HELZ: variants seen among roughly 807,000 people sequenced by gnomAD.
HELZ encodes the protein helicase with zinc finger, also known as ATP-dependent RNA helicase with zinc finger domain.
Under a neutral mutation model 218.2 loss-of-function variants are expected in HELZ, and 23 were observed. The observed-to-expected ratio is 0.11, with a 90% CI of 0.08 to 0.15. The LOEUF (loss-of-function observed/expected upper bound fraction) is 0.15. Among genes scored for constraint, HELZ ranks in the 10% least tolerant of loss-of-function variants. The probability of loss-of-function intolerance (pLI) is 1.00; values close to 1 mark genes in which losing one functional copy is unlikely to be tolerated. For missense variants in HELZ, 1,813 were observed against 2,353.7 expected (o/e 0.77, Z 4.75); for synonymous variants, 814 against 829.4 (o/e 0.98, Z 0.32).
rs551422977 is a variant in HELZ at position 67,215,450 on chromosome 17, G to A, written c.247+449C>T. Reference sequence around the variant, plus strand: ...TGCAACCTCCGCCTCCCGGGTTCAAGCAATTCTCCTGCCCCAGCCTCCCAG... The same window carrying A: ...TGCAACCTCCGCCTCCCGGGTTCAAACAATTCTCCTGCCCCAGCCTCCCAG... On this transcript the variant is annotated intron_variant, in intron 5 of 32. Coordinates refer to ENST00000358691, the MANE Select transcript of HELZ (RefSeq NM_014877.4). Among the ~76,000 whole-genome samples the A allele has an allele frequency of 8.6e-5, 13 of 151,434 alleles. No homozygotes were observed. In the Admixed American group the frequency reaches 8.6e-4, roughly 10 times the overall value.
intron 25 of HELZ, among the ~76,000 whole-genome samples, chr17:67,123,577 T>C (rs948712344): frequency 1.3e-5 from 2 of 152,218 alleles, no homozygotes; most frequent in African/African-American, 4.8e-5. Context: ...AGCACGACTA[T>C]GCAATATTTA....
chr17:67,233,596 GC>G (rs1208462713), intron 3 of HELZ, among the ~76,000 whole-genome samples: 2 of 152,008 alleles, frequency 1.3e-5, no homozygotes, highest in African/African-American at 4.8e-5. Context: ...ACTTTTCAGG[GC>G]CCTAAACTTC....
intron 31 of HELZ, among the ~76,000 whole-genome samples, chr17:67,096,629 C>T (rs2036757993): frequency 6.6e-6 from 1 of 152,208 alleles, no homozygotes; most frequent in Admixed American, 6.5e-5. Context: ...ATGAACCAAC[C>T]TCTGCTAGCT....
intron 13 of HELZ, among the ~76,000 whole-genome samples, chr17:67,175,120 A>G (rs1488094892): frequency 2.0e-5 from 3 of 152,222 alleles, no homozygotes; most frequent in Non-Finnish European, 2.9e-5. Flanking sequence ...GATTGAACAG[A>G]CAAGCAAAAT....
chr17:67,078,431 G>A lies in HELZ; in HGVS notation c.5650C>T (p.Pro1884Ser). ...GGCTTGCCCCCCGCAGAGCTCTGGG[G>A]GCTACTGCTATTGGCCGACTCCGCG... ...QIAESANSSS[P>S]QSSAGGKPAM... The change falls in exon 33 of 33, where the codon CCC (proline) becomes TCC (serine). Residue 1884 changes from proline (P) to serine (S), a missense_variant. Physicochemically the swap from Pro to Ser is moderately conservative, Grantham distance 74. Around this residue, in one of 4 missense-constraint regions of HELZ, gnomAD observed 938 missense variants for 1,027.5 expected, o/e 0.91. Coordinates refer to ENST00000358691, the MANE Select transcript of HELZ (RefSeq NM_014877.4). The A allele has an allele frequency of 6.3e-7, 1 of 1,597,002 alleles. No individual in the cohort carries two copies. The highest frequency in any genetic ancestry group is 8.5e-7 in the Non-Finnish European group (1 of 1,174,286).
intron 13 of HELZ, among the ~76,000 whole-genome samples, chr17:67,171,341 C>G (rs2039305560): frequency 6.6e-6 from 1 of 152,148 alleles, no homozygotes; most frequent in Non-Finnish European, 1.5e-5. Context: ...CCTGACCTCC[C>G]CAGTGTGACC....
chr17:67,082,503 C>T (rs915158363), intron 32 of HELZ, among the ~76,000 whole-genome samples: 6 of 152,114 alleles, frequency 3.9e-5, no homozygotes, highest in East Asian at 1.9e-4. Context: ...AAATATTTCA[C>T]GTTTTAGCTT....
chr17:67,157,092 TCCA>T (rs932508499), intron 17 of HELZ, among the ~76,000 whole-genome samples: 2 of 152,162 alleles, frequency 1.3e-5, no homozygotes, highest in Non-Finnish European at 2.9e-5. Context: ...CCCTTCGCCT[TCCA>T]CCACGATTGT....
intron 20 of HELZ, among the ~76,000 whole-genome samples, chr17:67,148,302 C>A (rs1351679226): frequency 6.6e-6 from 1 of 152,188 alleles, no homozygotes; most frequent in Admixed American, 6.5e-5. Context: ...TTCGATCATA[C>A]AAGTCTTCTG....
chr17:67,230,934 A>G (rs1255594919), intron 3 of HELZ, among the ~76,000 whole-genome samples: 1 of 152,254 alleles, frequency 6.6e-6, no homozygotes, highest in Non-Finnish European at 1.5e-5. Flanking sequence ...ACAAAATAAT[A>G]TATATGGTAT....
chr17:67,111,668 T>A (rs1261046002), intron 28 of HELZ, among the ~76,000 whole-genome samples: 1 of 152,178 alleles, frequency 6.6e-6, no homozygotes, highest in African/African-American at 2.4e-5. Flanking sequence ...TTGGCCAATT[T>A]TAGGCCCTTA....
chr17:67,245,061 C>T (rs1163423592), intron 1 of HELZ, 87 bp downstream of exon 1: 5 of 984,640 alleles, frequency 5.1e-6, no homozygotes, highest in Non-Finnish European at 6.0e-6. Context: ...TCCGGGACAC[C>T]GGAGGGGAGT....
chr17:67,173,959 A>G (rs1307393659), intron 13 of HELZ, among the ~76,000 whole-genome samples: 1 of 152,252 alleles, frequency 6.6e-6, no homozygotes, highest in Non-Finnish European at 1.5e-5. Flanking sequence ...AGCTTCAGCT[A>G]AAGCACATTT....
intron 17 of HELZ, among the ~76,000 whole-genome samples, chr17:67,152,725 C>A (rs1264465174): frequency 6.8e-6 from 1 of 146,432 alleles, no homozygotes; most frequent in African/African-American, 2.5e-5. Context: ...TAATACTAAA[C>A]CTTGAGACTA....
At chr17:67,185,570 A>G (rs1471902234) in intron 12 of HELZ, among the ~76,000 whole-genome samples, 1 of 152,186 alleles carries the variant, frequency 6.6e-6, no homozygotes, top group Non-Finnish European at 1.5e-5. Flanking sequence ...AGTTAGCCCA[A>G]TATCATCTAG....
At chr17:67,193,899 G>C in intron 9 of HELZ, 68 bp downstream of exon 9, 1 of 1,166,882 alleles carries the variant, frequency 8.6e-7, no homozygotes, top group East Asian at 2.4e-5. Context: ...TACTCCATTA[G>C]ATAAGGAAAA....
intron 3 of HELZ, among the ~76,000 whole-genome samples, chr17:67,225,889 A>G (rs899984414): frequency 6.6e-6 from 1 of 152,246 alleles, no homozygotes; most frequent in Non-Finnish European, 1.5e-5. Context: ...GACACTGTTA[A>G]AAGAATAAAA....
At chr17:67,084,555 C>T (rs1428183605) in intron 32 of HELZ, among the ~76,000 whole-genome samples, 1 of 151,256 alleles carries the variant, frequency 6.6e-6, no homozygotes, top group Non-Finnish European at 1.5e-5. Context: ...CCCAGCTACG[C>T]GGGAGGCTGA....
In HELZ at chr17:67,235,501, T is replaced by C. The variant is rs1413140899; in HGVS notation, c.-19+3932A>G. ...GCCTGGGCAACAGAGCGAGACTCCC[T>C]CACAAAAAAAAAAAAAAGAGAGAGA... On this transcript the variant is annotated intron_variant, in intron 3 of 32. Transcript: ENST00000358691. 1.4e-4 allele frequency among the ~76,000 whole-genome samples: 19 copies of C among 137,516 alleles called. No individual in the cohort carries two copies. In the South Asian group the frequency reaches 3.6e-3, roughly 26 times the overall value. The allele number at this position is 137,516 out of a possible 152,430, so 90.2% of individuals were successfully genotyped here.
Sources: gnomAD v4.1 joint callset for allele counts (sites outside exome capture counted in the v4.1 genomes callset) on GRCh38, gnomAD v4.1.1 for gene constraint, gnomAD v4.1.1 regional missense constraint, MANE v1.5 for transcripts, NCBI Gene and HGNC (gene_info 2026-07-23, HGNC 2026-07-21) for gene names.